Variants in DDX17 observed in about 807,000 individuals in gnomAD.
DDX17 encodes the protein probable ATP-dependent RNA helicase DDX17.
In DDX17, 10 loss-of-function variants were observed where a neutral mutation model predicts 80.8. That is an observed-to-expected ratio of 0.12 (90% CI 0.08 to 0.21). The LOEUF is 0.21. DDX17 is among the 10% of genes least tolerant of loss of function. The pLI is 1.00. For synonymous variants in DDX17, 339 were observed against 336.2 expected, an observed-to-expected ratio of 1.01 and a Z score of -0.09; for missense variants, 586 against 957.4, an observed-to-expected ratio of 0.61 and a Z score of 5.12.
At chr22:38,486,752 T>G (rs2145684086) in intron 12 of DDX17, among the ~76,000 whole-genome samples, 1 of 152,322 alleles carries the variant, frequency 6.6e-6, no homozygotes, top group Middle Eastern at 3.4e-3. Flanking sequence ...TAGGATATTC[T>G]GCAACTGTAG....
At chr22:38,498,378 G>T in intron 4 of DDX17, 62 bp downstream of exon 4, 1 of 1,601,208 alleles carries the variant, frequency 6.2e-7, no homozygotes, top group South Asian at 1.1e-5. Context: ...GAGAACGTAT[G>T]ACAACTAGAA....
intron 11 of DDX17, chr22:38,488,320 G>C: frequency 6.9e-7 from 1 of 1,455,282 alleles, no homozygotes; most frequent in Non-Finnish European, 9.0e-7. Flanking sequence ...GACATGCATA[G>C]GAAATAGGAT....
At position 38,489,774 on chromosome 22, in the gene DDX17, T is replaced by C; in HGVS notation, c.1448-1659A>G. ...GAAGGCACTTATCACAGGGGGCAGC[T>C]TGAGTCTCCGGCTAGGGTCGTTGAC... On this transcript the variant is annotated intron_variant, in intron 11 of 12. Transcript: ENST00000403230. This position sits in a 1 kb window ranked among gnomAD's most constrained non-coding sequence, Gnocchi z 4.6. 1 of 985,578 alleles carries C rather than the reference T, an allele frequency of 1.0e-6. No individual in the cohort carries two copies. Among genetic ancestry groups the C allele is most frequent in the Non-Finnish European group, 1.2e-6 (1 of 830,066 alleles). 61.1% of individuals were successfully genotyped at this position (985,578 alleles called of 1,614,324 possible).
intron 1 of DDX17, chr22:38,505,408 G>T (rs949245344): frequency 6.6e-6 from 1 of 152,666 alleles, no homozygotes; most frequent in African/African-American, 2.4e-5. Context: ...TATAACTGAA[G>T]AGAATTAAAA....
chr22:38,501,728 T>C (rs1243340894), intron 1 of DDX17, among the ~76,000 whole-genome samples: 1 of 152,254 alleles, frequency 6.6e-6, no homozygotes, highest in African/African-American at 2.4e-5. Flanking sequence ...TAAAAGTATC[T>C]GGCATAGCCA....
chr22:38,501,400 C>T (rs897479475), intron 1 of DDX17, 120 bp from the exon 2 acceptor site: 13 of 1,189,862 alleles, frequency 1.1e-5, no homozygotes, highest in Non-Finnish European at 1.2e-5. Context: ...TCCAAAAAGA[C>T]CATTTTATTT....
chr22:38,492,560 C>G (rs2089723878), intron 10 of DDX17, among the ~76,000 whole-genome samples: 1 of 152,204 alleles, frequency 6.6e-6, no homozygotes, highest in Admixed American at 6.5e-5. Context: ...AATCTCAGCT[C>G]ACCGCAACCT....
intron 3 of DDX17, 86 bp downstream of exon 3, chr22:38,499,314 C>G: frequency 9.9e-7 from 1 of 1,014,498 alleles, no homozygotes; most frequent in East Asian, 2.4e-5. Context: ...AAACCCCAAG[C>G]CTGGCTCAAA....
chr22:38,499,569 A>G, intron 2 of DDX17, 70 bp from the exon 3 acceptor site: 5 of 1,255,334 alleles, frequency 4.0e-6, no homozygotes, highest in Non-Finnish European at 5.8e-6. Context: ...GTTCCAAGCT[A>G]GCTGAGCAAT....
intron 11 of DDX17, 153 bp downstream of exon 11, chr22:38,491,903 T>C (rs2089717753): frequency 2.0e-6 from 1 of 509,090 alleles, no homozygotes; most frequent in Admixed American, 4.2e-5. Flanking sequence ...GGGCAGGGAA[T>C]GGGGAGAATC....
chr22:38,491,265 C>G (rs1447292386), intron 11 of DDX17: 1 of 152,168 alleles, frequency 6.6e-6, no homozygotes. Context: ...TAATATGGTA[C>G]TTCTCACCTT....
intron 12 of DDX17, 26 bp downstream of exon 12, chr22:38,487,853 T>C: frequency 6.2e-7 from 1 of 1,613,302 alleles, no homozygotes; most frequent in Non-Finnish European, 8.5e-7. Flanking sequence ...TGGCAGTACC[T>C]GGAAAACTCC....
chr22:38,502,949 A>T (rs1477057510), intron 1 of DDX17, among the ~76,000 whole-genome samples: 1 of 152,162 alleles, frequency 6.6e-6, no homozygotes, highest in African/African-American at 2.4e-5. Context: ...AGCCATTAGA[A>T]CTCTGGCTTA....
rs1330547351 is a variant in DDX17 at position 38,494,755 on chromosome 22, T to C, written c.1089A>G (p.Val363=). ...GAAGGAAATCCTCTGCAAGCTGTCT[T>C]ACTTCTTTTGGCCAGGTTGCACTCC... The change falls in exon 8 of 13, where the codon GTA becomes GTG. Residue 363 remains valine (V), a synonymous_variant. Transcript: ENST00000403230. 3 of 1,614,122 alleles carry C rather than the reference T, an allele frequency of 1.9e-6. No homozygotes were observed. The highest frequency in any genetic ancestry group is 2.7e-5 in the African/African-American group (2 of 74,938).
chr22:38,494,177 T>A, intron 8 of DDX17, 46 bp from the exon 9 acceptor site: 1 of 1,316,654 alleles, frequency 7.6e-7, no homozygotes, highest in African/African-American at 1.4e-5. Context: ...AAAGTTATTA[T>A]GTGGACGATT....
At chr22:38,490,364 C>T (rs1569137939) in intron 11 of DDX17, 1 of 1,289,424 alleles carries the variant, frequency 7.8e-7, no homozygotes, top group Admixed American at 2.3e-5. Context: ...AGAGGCTCAT[C>T]TAGAGCTGCT....
chr22:38,501,654 T>G (rs535025994), intron 1 of DDX17, among the ~76,000 whole-genome samples: 1 of 152,212 alleles, frequency 6.6e-6, no homozygotes. Context: ...CTATGCAAAG[T>G]AGAAATAATA....
chr22:38,486,145 A>G lies in DDX17; in HGVS notation c.1980T>C (p.Tyr660=), dbSNP rs111674028. 506 of 1,614,222 alleles carry G rather than the reference A, an allele frequency of 3.1e-4. 2 individuals carry two copies. Among genetic ancestry groups the G allele is most frequent in the Middle Eastern group, 6.6e-4 (4 of 6,062 alleles). Reference sequence around the variant, plus strand: ...CAGTTGAGGTGGTGCTACTAGCTCCATAAGTGCCAGCACCATATTCTTGAG... The same window carrying G: ...CAGTTGAGGTGGTGCTACTAGCTCCGTAAGTGCCAGCACCATATTCTTGAG... Residue 660 remains tyrosine (Y), a synonymous_variant, in exon 13 of 13, where the codon TAT becomes TAC. Coordinates refer to ENST00000403230, the MANE Select transcript of DDX17 (RefSeq NM_006386.5).
intron 2 of DDX17, among the ~76,000 whole-genome samples, chr22:38,500,037 G>A (rs750954095): frequency 1.3e-5 from 2 of 151,588 alleles, no homozygotes; most frequent in Admixed American, 6.6e-5. Flanking sequence ...TGAACCAGGC[G>A]TGGTGGCACA....
Sources: gnomAD v4.1 joint callset for allele counts (sites outside exome capture counted in the v4.1 genomes callset) on GRCh38, gnomAD v4.1.1 for gene constraint, Gnocchi (gnomAD v3.1) non-coding constraint, MANE v1.5 for transcripts, NCBI Gene and HGNC (gene_info 2026-07-23, HGNC 2026-07-21) for gene names.